SLC25A21: variants seen among roughly 807,000 people sequenced by gnomAD.
SLC25A21 encodes solute carrier family 25 member 21, also known as mitochondrial 2-oxodicarboxylate carrier.
In SLC25A21, 47 loss-of-function variants were observed where a neutral mutation model predicts 43.8. That is an observed-to-expected ratio of 1.07 (90% confidence interval 0.85 to 1.37). SLC25A21 has a LOEUF of 1.37. Ranked by LOEUF, SLC25A21 falls within the 40% of genes most tolerant of loss-of-function variation. The pLI, the probability that SLC25A21 is intolerant of heterozygous loss-of-function variation, is 0.00. For synonymous variants in SLC25A21, 131 were observed against 121.3 expected (o/e 1.08, Z -0.52); for missense variants, 352 against 350.2 (o/e 1.00, Z -0.04).
chr14:36,695,819 G>A (rs1882996104), intron 7 of SLC25A21, among the ~76,000 whole-genome samples: 1 of 152,118 alleles, frequency 6.6e-6, no homozygotes, highest in South Asian at 2.1e-4. Context: ...TGAGACGATG[G>A]GGTTTTCTAA....
chr14:36,957,959 A>C (rs1959385033), intron 1 of SLC25A21, among the ~76,000 whole-genome samples: 1 of 152,266 alleles, frequency 6.6e-6, no homozygotes, highest in Non-Finnish European at 1.5e-5. Context: ...TTCCAATGGA[A>C]ATGATAAAAT....
Position 37,093,715 on chromosome 14 carries a change from G to A in SLC25A21, c.70+78566C>T, listed in dbSNP as rs185934422. Among the ~76,000 whole-genome samples, 141 of 152,220 alleles carry A rather than the reference G, an allele frequency of 9.3e-4. 1 individual carries two copies. The highest frequency in any genetic ancestry group is 8.8e-3 in the Admixed American group (134 of 15,280). On this transcript the variant is annotated intron_variant, in intron 1 of 9. Transcript: ENST00000331299. ...AGAGAACTAACATGGAAAAAAGTGG[G>A]GGGAGGATGAAGGAATAAGGGGCAG...
rs559484170 is a variant in SLC25A21 at position 37,065,800 on chromosome 14, T to C, written c.70+106481A>G. ...CAATTATGCATACTATATTTAAAGA[T>C]AGAAATAAAAAGTGGGATAAAATTT... On this transcript the variant is annotated intron_variant, in intron 1 of 9. Coordinates refer to ENST00000331299, the MANE Select transcript of SLC25A21 (RefSeq NM_030631.4). Among the ~76,000 whole-genome samples, 12 of 152,174 alleles carry C rather than the reference T, an allele frequency of 7.9e-5. No homozygotes were observed. In the South Asian group the frequency reaches 2.5e-3, roughly 32 times the overall value.
intron 1 of SLC25A21, among the ~76,000 whole-genome samples, chr14:37,002,780 G>A (rs951020535): frequency 1.3e-5 from 2 of 152,206 alleles, no homozygotes; most frequent in Admixed American, 6.5e-5. Context: ...TTATTAGCGG[G>A]AAGGGCTAGT....
At chr14:36,876,304 G>A (rs377557723) in intron 1 of SLC25A21, among the ~76,000 whole-genome samples, 64 of 152,312 alleles carry the variant, frequency 4.2e-4, no homozygotes, top group African/African-American at 1.5e-3. Flanking sequence ...GAAGCCTTAG[G>A]AAGTTTTCCC....
intron 1 of SLC25A21, among the ~76,000 whole-genome samples, chr14:36,957,321 A>G (rs1037980086): frequency 1.3e-5 from 2 of 151,512 alleles, no homozygotes; most frequent in Non-Finnish European, 2.9e-5. Context: ...ATTCACTGGG[A>G]TGCCTGGGAA....
intron 1 of SLC25A21, among the ~76,000 whole-genome samples, chr14:37,003,413 C>G (rs1960530582): frequency 6.6e-6 from 1 of 152,068 alleles, no homozygotes; most frequent in African/African-American, 2.4e-5. Context: ...TATTTTTAGA[C>G]CACAGTTGAC....
intron 1 of SLC25A21, among the ~76,000 whole-genome samples, chr14:36,971,991 A>G (rs1260571669): frequency 6.6e-6 from 1 of 152,232 alleles, no homozygotes; most frequent in African/African-American, 2.4e-5. Context: ...ACACACACAT[A>G]TATACAGTTA....
At chr14:36,780,869 G>A (rs1034653054) in intron 3 of SLC25A21, among the ~76,000 whole-genome samples, 1 of 152,014 alleles carries the variant, frequency 6.6e-6, no homozygotes, top group African/African-American at 2.4e-5. Flanking sequence ...CAAGTCTAAT[G>A]TTTCCTTGTT....
At chr14:37,073,014 G>A (rs770502104) in intron 1 of SLC25A21, among the ~76,000 whole-genome samples, 1 of 152,200 alleles carries the variant, frequency 6.6e-6, no homozygotes, top group East Asian at 1.9e-4. Context: ...GATTCATCCA[G>A]TTGAAAGGGC....
chr14:36,818,814 T>G (rs960227214), intron 2 of SLC25A21, among the ~76,000 whole-genome samples: 9 of 152,202 alleles, frequency 5.9e-5, no homozygotes, highest in African/African-American at 2.2e-4. Flanking sequence ...GTTTCTCTCT[T>G]GGATTGAAGC....
chr14:36,823,883 T>C (rs1459305333), intron 2 of SLC25A21, among the ~76,000 whole-genome samples: 1 of 152,196 alleles, frequency 6.6e-6, no homozygotes, highest in Non-Finnish European at 1.5e-5. Context: ...TCCTTACCTG[T>C]TGAACATTAG....
chr14:36,738,072 A>C (rs1239077671), intron 3 of SLC25A21, among the ~76,000 whole-genome samples: 2 of 152,166 alleles, frequency 1.3e-5, no homozygotes, highest in African/African-American at 4.8e-5. Flanking sequence ...CCTCCAGCCA[A>C]AGTGGCTGCT....
rs75726764 is a variant in SLC25A21 at position 36,916,581 on chromosome 14, G to A, written c.71-41577C>T. Among the ~76,000 whole-genome samples the A allele has an allele frequency of 9.4e-3, 1,431 of 152,262 alleles. 52 individuals are homozygous for A. The East Asian group carries it at 0.11, about 12-fold the overall frequency. On this transcript the variant is annotated intron_variant, in intron 1 of 9. Transcript: ENST00000331299. ...ATGAAAAGATGCTATCTAATTATGT[G>A]TCATAACAGCATAAATTGTTGCTTT...
chr14:37,107,181 T>C (rs1374408877), intron 1 of SLC25A21, among the ~76,000 whole-genome samples: 1 of 152,094 alleles, frequency 6.6e-6, no homozygotes, highest in African/African-American at 2.4e-5. Flanking sequence ...ATCTCTTGCA[T>C]AGCCTCTGAA....
chr14:36,726,174 T>G (rs956990615), intron 5 of SLC25A21, among the ~76,000 whole-genome samples: 2 of 152,228 alleles, frequency 1.3e-5, no homozygotes, highest in African/African-American at 4.8e-5. Flanking sequence ...TGTTCATGTT[T>G]TTAGAGTCAC....
At chr14:37,070,881 G>A (rs527947214) in intron 1 of SLC25A21, among the ~76,000 whole-genome samples, 120 of 152,258 alleles carry the variant, frequency 7.9e-4, no homozygotes, top group Admixed American at 2.0e-3. Context: ...CCCCTGTCAG[G>A]TTCACCTCAT....
chr14:36,720,444 C>G (rs1884328595), intron 6 of SLC25A21, among the ~76,000 whole-genome samples: 1 of 152,226 alleles, frequency 6.6e-6, no homozygotes, highest in Non-Finnish European at 1.5e-5. Context: ...AGACATGCTG[C>G]CTGAGAAATT....
chr14:36,765,278 A>G (rs1485427990), intron 3 of SLC25A21, among the ~76,000 whole-genome samples: 4 of 152,236 alleles, frequency 2.6e-5, no homozygotes, highest in East Asian at 3.9e-4. Context: ...GGAGCATTGC[A>G]GGACCAGAAA....
Sources: allele counts gnomAD v4.1 joint callset (sites outside exome capture counted in the v4.1 genomes callset), GRCh38; gene constraint gnomAD v4.1.1; transcripts MANE v1.5; gene names NCBI Gene and HGNC (gene_info 2026-07-23, HGNC 2026-07-21).